PDLIM2: variants seen among roughly 807,000 people sequenced by gnomAD.
The protein encoded by PDLIM2 is PDZ and LIM domain protein 2.
PDLIM2 carries 51 observed loss-of-function variants against 54.1 expected under a neutral mutation model. The observed-to-expected ratio is 0.94, with a 90% CI of 0.75 to 1.19. The LOEUF (loss-of-function observed/expected upper bound fraction) is 1.19, where lower values mean the gene tolerates loss of function less well. PDLIM2 is among the 50% of genes most tolerant of loss of function. The probability of loss-of-function intolerance (pLI) is 0.00; values close to 1 mark genes in which losing one functional copy is unlikely to be tolerated. For synonymous variants in PDLIM2, 398 were observed against 385.6 expected, an observed-to-expected ratio of 1.03 and a Z score of -0.38; for missense variants, 912 against 874.0, an observed-to-expected ratio of 1.04 and a Z score of -0.55.
intron 9 of PDLIM2, chr8:22,593,441 G>T: frequency 2.7e-6 from 1 of 368,094 alleles, no homozygotes; most frequent in Admixed American, 4.3e-5. Flanking sequence ...GCCAGGTGTG[G>T]TCGCACATGC....
At chr8:22,594,875 G>A (rs1401032712), downstream of PDLIM2, 1 of 533,250 alleles carries the variant, frequency 1.9e-6, no homozygotes, top group Non-Finnish European at 3.2e-6. Context: ...GCCTTAAGCT[G>A]TGATCATGCC....
intron 6 of PDLIM2, 134 bp downstream of exon 5, chr8:22,585,533 T>A: frequency 3.5e-6 from 3 of 845,944 alleles, no homozygotes; most frequent in Non-Finnish European, 5.4e-6. Context: ...GCCACAGGCA[T>A]GCTCTGCTCC....
rs769987785 is a variant in PDLIM2, at chr8:22,589,466, C to T, written c.1367+92C>T. 7.8e-6 allele frequency: 12 copies of T among 1,531,366 alleles called. No homozygotes were observed. In the South Asian group the frequency reaches 1.4e-4, roughly 18 times the overall value. 94.9% of individuals were successfully genotyped at this position (1,531,366 alleles called of 1,614,324 possible). A position where few individuals can be genotyped will look rare whatever the true frequency, so the allele number is the denominator to read the frequency against. The stretch of plus-strand genomic sequence containing the variant: ...GCTTCCCCGAGAGGGATGGGGTCCC[C>T]CAAGCCCAGTTGGCTCCTCCACCTC... On this transcript the variant is annotated intron_variant, in intron 7 of 9. Transcript: ENST00000308354.
At position 22,592,558 on chromosome 8, in the gene PDLIM2, G is replaced by C. The variant is rs531908220; in HGVS notation, c.1631+890G>C. On this transcript the variant is annotated intron_variant, in intron 9 of 9. Transcript: ENST00000308354. ...CTTTAGTGTTTTCATCTGCAGAGTG[G>C]GAGAATATCCAGTCCCCCTGCTGTG... 4 of 152,296 alleles carry C rather than the reference G, an allele frequency of 2.6e-5. No homozygotes were observed. In the East Asian group the frequency reaches 7.7e-4, roughly 29 times the overall value. 9.4% of individuals were successfully genotyped at this position (152,296 alleles called of 1,614,324 possible).
intron 9 of PDLIM2, chr8:22,592,198 C>T (rs1407274095): frequency 6.6e-6 from 1 of 150,378 alleles, no homozygotes; most frequent in Non-Finnish European, 1.5e-5. Context: ...TCTCGTGTCT[C>T]AGCCTCCCGA....
At chr8:22,594,089 A>AC in exon 10 of PDLIM2, 1 of 1,426,568 alleles carries the variant, frequency 7.0e-7, no homozygotes. Context: ...TGGGAGACTC[A>AC]CCCTCACCTT....
chr8:22,581,019 T>C (rs1800181416), intron 2 of PDLIM2: 1 of 656,286 alleles, frequency 1.5e-6, no homozygotes, highest in African/African-American at 1.8e-5. Flanking sequence ...CAGTCTCCTC[T>C]TGACCTGGGC....
At chr8:22,584,661 G>A (rs751112945) in intron 3 of PDLIM2, among the ~76,000 whole-genome samples, 160 bp from the exon 3 acceptor site, 1 of 152,218 alleles carries the variant, frequency 6.6e-6, no homozygotes, top group Non-Finnish European at 1.5e-5. Context: ...ATAGTTGTTT[G>A]TCTTGAGTTT....
chr8:22,591,714 G>C, intron 9 of PDLIM2, 46 bp downstream of exon 8: 1 of 1,533,254 alleles, frequency 6.5e-7, no homozygotes, highest in East Asian at 2.3e-5. Flanking sequence ...ACAGGGGAGT[G>C]GGGAGGGGGA....
chr8:22,584,503 G>A (rs183144386), intron 3 of PDLIM2, among the ~76,000 whole-genome samples: 9 of 151,918 alleles, frequency 5.9e-5, no homozygotes, highest in East Asian at 1.9e-4. Context: ...TAGTCATGAG[G>A]TCTTCCTATG....
downstream of PDLIM2, chr8:22,597,382 G>A (rs141626049): frequency 0.01 from 1,581 of 152,424 alleles, 29 homozygotes; most frequent in African/African-American, 0.035. Context: ...CCCCGTGCCC[G>A]CCAGGGCTCA....
chr8:22,590,136 G>A (rs370904464), intron 8 of PDLIM2: 4,560 of 102,578 alleles, frequency 0.044, 227 homozygotes, highest in African/African-American at 0.14. Flanking sequence ...AGGAAGCACT[G>A]TGGAAGGTGG....
In PDLIM2 at chr8:22,589,789, C is replaced by A. The variant is rs1224394121; in HGVS notation, c.1513+48C>A. 7 of 1,548,562 alleles carry A rather than the reference C, an allele frequency of 4.5e-6. No homozygotes were observed. The East Asian group carries it at 1.7e-4, about 38-fold the overall frequency. On this transcript the variant is annotated intron_variant, in intron 8 of 9. Coordinates refer to ENST00000308354, the Ensembl canonical transcript of PDLIM2. ...AGGGGAAGGAGGTTCCCTTCCGTAC[C>A]CCGGGCCCTGACTGGATGGGTCAGT... is the stretch of plus-strand genomic sequence containing the variant.
exon 1 of PDLIM2, chr8:22,578,784 G>T (rs1351424179): frequency 1.6e-6 from 2 of 1,233,990 alleles, no homozygotes; most frequent in Middle Eastern, 2.1e-4. Flanking sequence ...CTGGGGATGC[G>T]GGGCGGGAGA....
chr8:22,586,193 AC>A (rs940830410), intron 6 of PDLIM2, among the ~76,000 whole-genome samples: 1 of 152,186 alleles, frequency 6.6e-6, no homozygotes, highest in Non-Finnish European at 1.5e-5. Flanking sequence ...CAGGGAGGGC[AC>A]TAGAACCCAG....
At chr8:22,579,262 C>T in exon 1 of PDLIM2, 3 of 1,358,350 alleles carry the variant, frequency 2.2e-6, no homozygotes, top group Non-Finnish European at 2.8e-6. Flanking sequence ...CGCGGCCCGC[C>T]CTCCCCGGCG....
At chr8:22,580,751 C>G (rs1279026678) in intron 2 of PDLIM2, 54 bp downstream of exon 1, 22 of 1,547,948 alleles carry the variant, frequency 1.4e-5, no homozygotes, top group Non-Finnish European at 1.9e-5. Context: ...CGAGGTCGGC[C>G]CTGTTCACCC....
rs1050616599 is a variant in PDLIM2, at chr8:22,581,327, C to T, written c.844-52C>T. On this transcript the variant is annotated intron_variant, in intron 2 of 9. Coordinates refer to ENST00000308354, the Ensembl canonical transcript of PDLIM2. ...TTTCTTGGGTAGCAGAGTGGGAAGT[C>T]CCTTCTCCAGCTGGGCCACGGTCTG... 17 of 1,543,828 alleles carry T rather than the reference C, an allele frequency of 1.1e-5. No homozygotes were observed. The African/African-American group carries it at 1.2e-4, about 11-fold the overall frequency.
At chr8:22,594,163 A>G (rs1800632092) in exon 10 of PDLIM2, 9 of 1,414,728 alleles carry the variant, frequency 6.4e-6, no homozygotes, top group South Asian at 3.1e-5. Flanking sequence ...CCTTTGATCA[A>G]CCTTTGTGTG....
Sources: gnomAD v4.1 joint callset for allele counts (sites outside exome capture counted in the v4.1 genomes callset) on GRCh38, gnomAD v4.1.1 for gene constraint, MANE v1.5 for transcripts, NCBI Gene and HGNC (gene_info 2026-07-23, HGNC 2026-07-21) for gene names.